Variants in KDM5B observed in about 807,000 individuals in gnomAD.
KDM5B encodes the protein lysine-specific demethylase 5B.
KDM5B carries 144 observed loss-of-function variants against 193.4 expected under a neutral mutation model. The ratio of observed to expected loss-of-function variants is 0.74; its 90% confidence interval spans 0.65 to 0.86. The LOEUF (loss-of-function observed/expected upper bound fraction) is 0.86. Among genes scored for constraint, KDM5B ranks in the 40% least tolerant of loss-of-function variants. The probability of loss-of-function intolerance (pLI) is 0.00; values close to 1 mark genes in which losing one functional copy is unlikely to be tolerated. For missense variants in KDM5B, 1,833 were observed against 1,886.9 expected, an observed-to-expected ratio of 0.97 and a Z score of 0.53; for synonymous variants, 668 against 682.6, an observed-to-expected ratio of 0.98 and a Z score of 0.33.
At position 202,756,429 on chromosome 1, in the gene KDM5B, T is replaced by G; in HGVS notation, c.1285A>C (p.Ile429Leu). ...CCACTGCCAAATTCCTTTGAGGCAATGTCAGCTCCATATTCCACTGTGACA... is the reference window on the plus strand; with the variant it reads ...CCACTGCCAAATTCCTTTGAGGCAAGGTCAGCTCCATATTCCACTGTGACA... Reference protein sequence around the residue: ...EDVTVEYGADIASKEFGSGFP... With the variant: ...EDVTVEYGADLASKEFGSGFP... The change falls in exon 10 of 27, where the codon ATT becomes CTT. Residue 429 changes from isoleucine to leucine, a missense_variant. Around this residue, in one of 3 missense-constraint regions of KDM5B, gnomAD observed 1,379 missense variants for 1,349.6 expected, o/e 1.02. Transcript: ENST00000367265. 6.2e-7 allele frequency: 1 copy of G among 1,613,842 alleles called. No homozygotes were observed. Among genetic ancestry groups the G allele is most frequent in the Non-Finnish European group, 8.5e-7 (1 of 1,179,838 alleles).
chr1:202,742,863 A>G (rs1655403402), intron 16 of KDM5B, 58 bp from the exon 17 acceptor site: 2 of 1,463,110 alleles, frequency 1.4e-6, no homozygotes, highest in Non-Finnish European at 1.9e-6. Flanking sequence ...TACTACTGGT[A>G]TGAAATTCAG....
At position 202,755,466 on chromosome 1, in the gene KDM5B, G is replaced by C. The variant is rs765295942; in HGVS notation, c.1357-14C>G. ...ATCAAGATACTCCTAAAAATAAGAAGACAAAAGAGGATAAAGGTTTAGCTA... is the reference window on the plus strand; with the variant it reads ...ATCAAGATACTCCTAAAAATAAGAACACAAAAGAGGATAAAGGTTTAGCTA... On this transcript the variant is annotated splice_polypyrimidine_tract_variant and intron_variant, in intron 10 of 26. Transcript: ENST00000367265. 6.3e-7 allele frequency: 1 copy of C among 1,594,654 alleles called. No homozygotes were observed. Among genetic ancestry groups the C allele is most frequent in the Non-Finnish European group, 8.6e-7 (1 of 1,164,522 alleles).
At chr1:202,799,318 C>T (rs553089525) in intron 1 of KDM5B, among the ~76,000 whole-genome samples, 124 of 152,164 alleles carry the variant, frequency 8.1e-4, no homozygotes, top group African/African-American at 2.8e-3. Flanking sequence ...TAGAAAATAC[C>T]CCTCCTGTCC....
intron 4 of KDM5B, among the ~76,000 whole-genome samples, chr1:202,772,845 C>T (rs922136320): frequency 8.7e-5 from 13 of 150,074 alleles, no homozygotes; most frequent in African/African-American, 2.7e-4. Flanking sequence ...TACAGGCACA[C>T]GCCACCATGC....
intron 20 of KDM5B, among the ~76,000 whole-genome samples, chr1:202,737,843 G>C (rs1017662638): frequency 2.0e-5 from 3 of 152,192 alleles, no homozygotes; most frequent in African/African-American, 7.2e-5. Flanking sequence ...TTCTGGGTTA[G>C]ACAAACAGCC....
At position 202,803,477 on chromosome 1, in the gene KDM5B, G is replaced by A. The variant is rs114450155; in HGVS notation, c.204+4625C>T. Among the ~76,000 whole-genome samples the A allele has an allele frequency of 7.8e-3, 1,187 of 152,274 alleles. 18 individuals are homozygous for A. The highest frequency in any genetic ancestry group is 0.027 in the African/African-American group (1,122 of 41,556). On this transcript the variant is annotated intron_variant, in intron 1 of 26. Coordinates refer to ENST00000367265, the MANE Select transcript of KDM5B (RefSeq NM_006618.5). The stretch of plus-strand genomic sequence containing the variant: ...TTTACCACTGGCAAAGTCAAATTTA[G>A]CTAAACACCCATTCAATAACTACAA...
At chr1:202,779,804 A>AAATAAAT (rs1657120219) in intron 1 of KDM5B, among the ~76,000 whole-genome samples, 1 of 141,294 alleles carries the variant, frequency 7.1e-6, no homozygotes, top group African/African-American at 2.7e-5. Context: ...CTCCGTCTCA[A>AAATAAAT]AAATAAATAA....
At chr1:202,762,207 TCTTC>T (rs1412155006) in intron 7 of KDM5B, among the ~76,000 whole-genome samples, 2 of 152,188 alleles carry the variant, frequency 1.3e-5, no homozygotes, top group African/African-American at 2.4e-5. Flanking sequence ...CTTTTCCTTT[TCTTC>T]CTTCCTTCTC....
chr1:202,752,829 T>C, intron 12 of KDM5B, 76 bp downstream of exon 12: 5 of 1,391,886 alleles, frequency 3.6e-6, no homozygotes, highest in Admixed American at 4.0e-5. Context: ...ATCAACATCA[T>C]AAAAAAGTGA....
At chr1:202,750,224 A>T (rs1018918944) in intron 13 of KDM5B, among the ~76,000 whole-genome samples, 3 of 152,192 alleles carry the variant, frequency 2.0e-5, no homozygotes, top group Non-Finnish European at 4.4e-5. Flanking sequence ...GGACTGGTAA[A>T]CAATTTGCAG....
At chr1:202,774,216 T>C (rs534043827) in intron 3 of KDM5B, among the ~76,000 whole-genome samples, 1 of 152,322 alleles carries the variant, frequency 6.6e-6, no homozygotes, top group African/African-American at 2.4e-5. Flanking sequence ...CTTGAGAATC[T>C]CATTTCACAC....
rs76929489 is a variant in KDM5B, at chr1:202,794,604, T to C, written c.204+13498A>G. ...ACTCCTAACAAAAATACCTAAGCAT[T>C]TGACAATTTTAAATGGTACATATAC... On this transcript the variant is annotated intron_variant, in intron 1 of 26. Coordinates refer to ENST00000367265, the MANE Select transcript of KDM5B (RefSeq NM_006618.5). Among the ~76,000 whole-genome samples, 974 of 152,280 alleles carry C rather than the reference T, an allele frequency of 6.4e-3. 17 individuals are homozygous for C. The highest frequency in any genetic ancestry group is 0.022 in the African/African-American group (933 of 41,548).
intron 15 of KDM5B, 59 bp from the exon 16 acceptor site, chr1:202,746,041 G>A: frequency 5.0e-6 from 8 of 1,603,034 alleles, no homozygotes; most frequent in Non-Finnish European, 8.5e-7. Context: ...AAAACTAGAT[G>A]TTTTATACTT....
At chr1:202,765,231 T>C (rs1367923032) in intron 5 of KDM5B, among the ~76,000 whole-genome samples, 1 of 78,824 alleles carries the variant, frequency 1.3e-5, no homozygotes, top group East Asian at 4.7e-4. Context: ...TAAACTATTA[T>C]TATAAACTAC....
chr1:202,786,346 G>C (rs1341301975), intron 1 of KDM5B, among the ~76,000 whole-genome samples: 1 of 152,100 alleles, frequency 6.6e-6, no homozygotes, highest in Non-Finnish European at 1.5e-5. Context: ...CATATTGTTA[G>C]ATTTCCATGC....
chr1:202,800,998 T>C (rs978446214), intron 1 of KDM5B, among the ~76,000 whole-genome samples: 1 of 152,218 alleles, frequency 6.6e-6, no homozygotes, highest in Admixed American at 6.5e-5. Context: ...CACCTCATAA[T>C]TGCCCAAATG....
rs776901690 is a variant in KDM5B at position 202,729,053 on chromosome 1, C to A, written c.4618G>T (p.Ala1540Ser). The A allele has an allele frequency of 9.3e-6, 15 of 1,613,984 alleles. No individual in the cohort carries two copies. Among genetic ancestry groups the A allele is most frequent in the Non-Finnish European group, 1.2e-5 (14 of 1,179,960 alleles). The change falls in exon 27 of 27, where the codon GCA (alanine) becomes TCA (serine). Residue 1540 changes from alanine (A) to serine (S), a missense_variant. By Grantham distance (99) the Ala-to-Ser change is moderately conservative. Around this residue, in one of 3 missense-constraint regions of KDM5B, gnomAD observed 1,379 missense variants for 1,349.6 expected, o/e 1.02. Coordinates refer to ENST00000367265, the MANE Select transcript of KDM5B (RefSeq NM_006618.5). The stretch of plus-strand genomic sequence containing the variant: ...TTGTGTTTTTACTTTCGGCTTGGTG[C>A]GTCCTTCACAGTACAGCGCACACAG... ...YICVRCTVKD[A>S]PSRK
intron 13 of KDM5B, 60 bp from the exon 14 acceptor site, chr1:202,749,199 TC>T: frequency 7.1e-7 from 1 of 1,412,332 alleles, no homozygotes; most frequent in Non-Finnish European, 9.7e-7. Context: ...TCCAAACACC[TC>T]TGACCCATTA....
Position 202,728,060 on chromosome 1 carries a change from TG to T in KDM5B, c.*975del, listed in dbSNP as rs1163114191. The T allele has an allele frequency of 2.0e-5, 3 of 147,064 alleles. No homozygotes were observed. Among genetic ancestry groups the T allele is most frequent in the Non-Finnish European group, 2.9e-5 (2 of 68,042 alleles). 9.1% of individuals were successfully genotyped at this position (147,064 alleles called of 1,614,324 possible). On this transcript the variant is annotated 3_prime_UTR_variant, in exon 27 of 27. Coordinates refer to ENST00000367265, the MANE Select transcript of KDM5B (RefSeq NM_006618.5). ...AGGACACAAAAGAAGAATCCCCTAA[TG>T]TTGTTTGCAGGCTAACATCCACTGC...
Sources: gnomAD v4.1 joint callset for allele counts (sites outside exome capture counted in the v4.1 genomes callset) on GRCh38, gnomAD v4.1.1 for gene constraint, gnomAD v4.1.1 regional missense constraint, MANE v1.5 for transcripts, NCBI Gene and HGNC (gene_info 2026-07-23, HGNC 2026-07-21) for gene names.